TRMT11: variants seen among roughly 807,000 people sequenced by gnomAD.
TRMT11 encodes the protein tRNA methyltransferase 11, also known as tRNA (guanine(10)-N(2))-methyltransferase TRMT11.
A neutral mutation model predicts 62.8 loss-of-function variants in TRMT11; 53 were observed. The observed-to-expected ratio is 0.84, with a 90% CI of 0.68 to 1.06. The LOEUF (loss-of-function observed/expected upper bound fraction) is 1.06. Ranked by LOEUF, TRMT11 falls within the 50% of genes least tolerant of loss-of-function variation. The probability of loss-of-function intolerance (pLI) is 0.00; values close to 1 mark genes in which losing one functional copy is unlikely to be tolerated. For missense variants in TRMT11, 556 were observed against 553.4 expected (o/e 1.00, Z -0.05); for synonymous variants, 188 against 190.3 (o/e 0.99, Z 0.10).
chr6:126,056,146 C>G lies in TRMT11; in HGVS notation c.*1437+2956C>G, dbSNP rs1163249408. On this transcript the variant is annotated intron_variant and NMD_transcript_variant, in intron 17 of 22. Transcript: ENST00000648977. ...TCTTTGTCTTATTTCGCACTGTTAA[C>G]ATAAGATAATAACCTTTCCTTAGCT... Among the ~76,000 whole-genome samples the G allele has an allele frequency of 2.0e-5, 3 of 150,206 alleles. No homozygotes were observed. In the East Asian group the frequency reaches 5.8e-4, roughly 29 times the overall value.
chr6:126,071,740 A>G (rs575950680), intron 17 of TRMT11, among the ~76,000 whole-genome samples: 3 of 151,782 alleles, frequency 2.0e-5, no homozygotes, highest in Non-Finnish European at 2.9e-5. Flanking sequence ...GTCACACTAC[A>G]ATTGTCCTTT....
intron 17 of TRMT11, among the ~76,000 whole-genome samples, chr6:126,061,825 G>C (rs764339508): frequency 4.6e-5 from 7 of 152,074 alleles, no homozygotes; most frequent in Non-Finnish European, 7.4e-5. Context: ...CAGAGCTTCT[G>C]GATCACCATC....
At position 126,006,184 on chromosome 6, in the gene TRMT11, C is replaced by A. The variant is rs115641936; in HGVS notation, c.680-2208C>A. On this transcript the variant is annotated intron_variant, in intron 7 of 12. Coordinates refer to ENST00000334379, the MANE Select transcript of TRMT11 (RefSeq NM_001031712.3). ...ATCCCATGGTTCGTCTAGTAGGAGT[C>A]CCATTGTCTAGCAGTATTCTTTTGC... Among the ~76,000 whole-genome samples the A allele has an allele frequency of 1.3e-3, 199 of 152,008 alleles. 1 individual carries two copies. Among genetic ancestry groups the A allele is most frequent in the African/African-American group, 4.6e-3 (192 of 41,484 alleles).
chr6:125,999,405 CTT>C (rs1792112673), intron 6 of TRMT11, 50 bp from the exon 7 acceptor site: 8 of 1,421,448 alleles, frequency 5.6e-6, no homozygotes, highest in Admixed American at 2.3e-5. Flanking sequence ...GAGTGATTAT[CTT>C]AAGTCTATTC....
chr6:125,999,522 T>G lies in TRMT11; in HGVS notation c.588T>G (p.Asn196Lys), dbSNP rs1199910571. The change falls in exon 7 of 13, where the codon AAT (asparagine) becomes AAG (lysine). Residue 196 changes from asparagine to lysine, a missense_variant. Physicochemically the swap from Asn to Lys is moderately conservative, Grantham distance 94. Coordinates refer to ENST00000334379, the MANE Select transcript of TRMT11 (RefSeq NM_001031712.3). ...TCAAAAAGAGACACTTTATTGGAAA[T>G]ACAAGTATGGATGCTGGTTTGTCAT... is the stretch of plus-strand genomic sequence containing the variant. ...YSVKKRHFIG[N>K]TSMDAGLSFI... 6.2e-7 allele frequency: 1 copy of G among 1,612,062 alleles called. No homozygotes were observed. The highest frequency in any genetic ancestry group is 8.5e-7 in the Non-Finnish European group (1 of 1,178,812).
intron 16 of TRMT11, among the ~76,000 whole-genome samples, chr6:126,052,048 C>G (rs1008837657): frequency 1.3e-5 from 2 of 152,192 alleles, no homozygotes; most frequent in Non-Finnish European, 2.9e-5. Context: ...GAGACTGGAT[C>G]AGGCCATTCC....
At chr6:126,017,397 G>C (rs992111925) in intron 11 of TRMT11, among the ~76,000 whole-genome samples, 1 of 152,194 alleles carries the variant, frequency 6.6e-6, no homozygotes, top group African/African-American at 2.4e-5. Flanking sequence ...GAGAGCTAAT[G>C]ATTGAAAAGG....
chr6:126,112,042 A>G (rs879442825), intron 17 of TRMT11, among the ~76,000 whole-genome samples: 2 of 152,176 alleles, frequency 1.3e-5, no homozygotes, highest in Non-Finnish European at 2.9e-5. Context: ...CTGAGAAGGC[A>G]TAAAAGATGA....
chr6:126,076,048 A>G (rs779636435), intron 17 of TRMT11, among the ~76,000 whole-genome samples: 2 of 152,036 alleles, frequency 1.3e-5, no homozygotes, highest in Non-Finnish European at 2.9e-5. Flanking sequence ...TATTTTTGTC[A>G]ACTAGAATTG....
At chr6:126,081,561 G>A (rs1777158432) in intron 17 of TRMT11, among the ~76,000 whole-genome samples, 1 of 152,156 alleles carries the variant, frequency 6.6e-6, no homozygotes, top group Non-Finnish European at 1.5e-5. Flanking sequence ...AGGTTCTGGG[G>A]ACTCAGTGGT....
intron 17 of TRMT11, among the ~76,000 whole-genome samples, chr6:126,070,713 C>T (rs546042720): frequency 6.1e-4 from 93 of 152,314 alleles, no homozygotes; most frequent in African/African-American, 2.2e-3. Context: ...AATATAATAG[C>T]ACCATGTATT....
chr6:126,140,054 A>G (rs908857345), intron 21 of TRMT11, among the ~76,000 whole-genome samples: 2 of 152,110 alleles, frequency 1.3e-5, no homozygotes, highest in African/African-American at 4.8e-5. Flanking sequence ...TATTTCCACT[A>G]GTGACATTTA....
At chr6:126,171,117 A>G (rs1778325341) in intron 21 of TRMT11, among the ~76,000 whole-genome samples, 1 of 152,184 alleles carries the variant, frequency 6.6e-6, no homozygotes. Flanking sequence ...AGGAACTTCG[A>G]AGTATTTGGT....
At chr6:126,034,083 G>C (rs1192573485) in intron 12 of TRMT11, among the ~76,000 whole-genome samples, 2 of 151,952 alleles carry the variant, frequency 1.3e-5, no homozygotes, top group Admixed American at 1.3e-4. Flanking sequence ...AATCCACCAT[G>C]TGGGAAATTA....
chr6:126,116,627 C>T (rs894246637), intron 21 of TRMT11, among the ~76,000 whole-genome samples: 6 of 152,062 alleles, frequency 3.9e-5, no homozygotes, highest in Admixed American at 3.9e-4. Flanking sequence ...TGTCATAAAT[C>T]CACGTGGATA....
In TRMT11 at chr6:126,036,328, A is replaced by G. The variant is rs1034357004; in HGVS notation, c.1261-2377A>G. ...TTTAGATTTTAGCCAAGCGGTTGGC[A>G]TATTAAATTTGCATTTTAATAAATT... On this transcript the variant is annotated intron_variant, in intron 12 of 12. Transcript: ENST00000334379. Among the ~76,000 whole-genome samples, 56 of 152,138 alleles carry G rather than the reference A, an allele frequency of 3.7e-4. 1 individual carries two copies. The highest frequency in any genetic ancestry group is 1.3e-3 in the African/African-American group (53 of 41,444).
At chr6:126,102,662 G>A (rs1777415080) in intron 17 of TRMT11, among the ~76,000 whole-genome samples, 1 of 152,106 alleles carries the variant, frequency 6.6e-6, no homozygotes, top group Admixed American at 6.5e-5. Flanking sequence ...GAATGGCCCA[G>A]AGAAGAGGCT....
chr6:125,993,337 A>G (rs1355960459), intron 1 of TRMT11, among the ~76,000 whole-genome samples: 2 of 152,192 alleles, frequency 1.3e-5, no homozygotes, highest in Non-Finnish European at 2.9e-5. Context: ...AGAAGATGAG[A>G]TAGTTATTTG....
chr6:126,123,519 C>T (rs542129849), intron 21 of TRMT11, among the ~76,000 whole-genome samples: 1 of 152,152 alleles, frequency 6.6e-6, no homozygotes, highest in African/African-American at 2.4e-5. Context: ...ACCTTGACTT[C>T]ACTGGATTTT....
Sources: gnomAD v4.1 joint callset for allele counts (sites outside exome capture counted in the v4.1 genomes callset) on GRCh38, gnomAD v4.1.1 for gene constraint, MANE v1.5 for transcripts, NCBI Gene and HGNC (gene_info 2026-07-23, HGNC 2026-07-21) for gene names.